The following FBXW10B variants were observed in gnomAD, a reference collection of about 807,000 sequenced individuals.
FBXW10B encodes the protein F-box and WD repeat domain containing 10B.
At chr17:15,601,184 C>T in the FBXW10B span, among the ~76,000 whole-genome samples, 17 of 149,558 alleles carry the variant, frequency 1.1e-4, no homozygotes, top group African/African-American at 2.4e-4. Flanking sequence ...CCGAGGCGGG[C>T]GGATCACAAG....
chr17:15,608,179 T>TTC, the FBXW10B span, among the ~76,000 whole-genome samples: 12 of 128,978 alleles, frequency 9.3e-5, no homozygotes, highest in African/African-American at 3.6e-4. Flanking sequence ...TTTTTTTTTT[T>TTC]CAGACGGAGT....
At chr17:15,567,818 T>C in the FBXW10B span, among the ~76,000 whole-genome samples, 6 of 152,358 alleles carry the variant, frequency 3.9e-5, no homozygotes, top group South Asian at 4.1e-4. Context: ...TAGAGAATTA[T>C]AGAGTTGTTT....
At chr17:15,575,643 A>C in the FBXW10B span, among the ~76,000 whole-genome samples, 1 of 147,512 alleles carries the variant, frequency 6.8e-6, no homozygotes. Context: ...CAAAATGGCA[A>C]CCTCAGCCTT....
chr17:15,589,624 G>A, the FBXW10B span, among the ~76,000 whole-genome samples: 2 of 151,324 alleles, frequency 1.3e-5, 1 homozygote, highest in South Asian at 4.2e-4. Context: ...TTGGTGGTAT[G>A]TCACAACTAA....
the FBXW10B span, among the ~76,000 whole-genome samples, chr17:15,575,083 A>G: frequency 2.4e-4 from 32 of 134,934 alleles, no homozygotes; most frequent in African/African-American, 8.1e-4. Flanking sequence ...AGGGTGGCCA[A>G]GAGGAGGGGA....
At chr17:15,608,555 G>A in the FBXW10B span, among the ~76,000 whole-genome samples, 5 of 152,092 alleles carry the variant, frequency 3.3e-5, no homozygotes, top group South Asian at 1.0e-3. Flanking sequence ...CCGAGTTCAG[G>A]CAATTCTCCT....
the FBXW10B span, among the ~76,000 whole-genome samples, chr17:15,579,207 C>T: frequency 1.3e-5 from 2 of 151,892 alleles, no homozygotes; most frequent in Non-Finnish European, 2.9e-5. Context: ...ACAATCTCCA[C>T]GTTCTGAATG....
the FBXW10B span, chr17:15,605,286 C>T: frequency 1.6e-5 from 25 of 1,594,680 alleles, no homozygotes; most frequent in African/African-American, 5.5e-5. Context: ...GAAGAGGGCC[C>T]GGACACTCCC....
chr17:15,611,679 C>T, the FBXW10B span, among the ~76,000 whole-genome samples: 170 of 152,280 alleles, frequency 1.1e-3, 1 homozygote, highest in African/African-American at 4.0e-3. Flanking sequence ...AACATAGCTG[C>T]CTTATGGGAA....
chr17:15,591,792 T>C, the FBXW10B span, among the ~76,000 whole-genome samples: 45 of 152,252 alleles, frequency 3.0e-4, no homozygotes, highest in South Asian at 1.7e-3. Flanking sequence ...GGGAGGCCTC[T>C]TCTCCTTCAT....
At chr17:15,619,038 G>A in the FBXW10B span, 2 of 1,613,800 alleles carry the variant, frequency 1.2e-6, no homozygotes, top group Non-Finnish European at 1.7e-6. Context: ...CTCAGAAACA[G>A]GACTCTGATC....
the FBXW10B span, chr17:15,598,445 G>A: frequency 6.2e-7 from 1 of 1,608,374 alleles, no homozygotes; most frequent in Non-Finnish European, 8.5e-7. Flanking sequence ...ATGAGTGCCT[G>A]CCTATAGAAA....
the FBXW10B span, among the ~76,000 whole-genome samples, chr17:15,609,639 G>C: frequency 1.3e-5 from 2 of 151,748 alleles, no homozygotes. Context: ...ACACCTCCTC[G>C]ATCTATGGTG....
the FBXW10B span, among the ~76,000 whole-genome samples, chr17:15,571,171 C>T: frequency 6.6e-6 from 1 of 152,026 alleles, no homozygotes; most frequent in African/African-American, 2.4e-5. Flanking sequence ...TATAGTGAGA[C>T]CTCATCTTTA....
At chr17:15,617,762 C>T in the FBXW10B span, among the ~76,000 whole-genome samples, 1 of 152,226 alleles carries the variant, frequency 6.6e-6, no homozygotes, top group Non-Finnish European at 1.5e-5. Flanking sequence ...CTGAAGCCCT[C>T]ACCAGAAAGA....
At chr17:15,616,366 C>T in the FBXW10B span, among the ~76,000 whole-genome samples, 108 of 151,710 alleles carry the variant, frequency 7.1e-4, no homozygotes, top group African/African-American at 2.6e-3. Context: ...GATGGGGTTT[C>T]GCCATGTTGG....
chr17:15,607,598 T>C, the FBXW10B span: 50 of 1,613,824 alleles, frequency 3.1e-5, no homozygotes, highest in African/African-American at 5.7e-4. Context: ...GCGAACATTG[T>C]AGGTCCCACA....
At chr17:15,591,321 G>A in the FBXW10B span, among the ~76,000 whole-genome samples, 2 of 152,088 alleles carry the variant, frequency 1.3e-5, no homozygotes, top group South Asian at 2.1e-4. Context: ...ATGGCGTCTC[G>A]CTCTGTCGCC....
At chr17:15,595,239 C>T in the FBXW10B span, among the ~76,000 whole-genome samples, 3 of 152,234 alleles carry the variant, frequency 2.0e-5, no homozygotes, top group African/African-American at 7.2e-5. Context: ...ACTCGGGTGG[C>T]TGAGGCAGGA....
Sources: gnomAD v4.1 joint callset for allele counts (sites outside exome capture counted in the v4.1 genomes callset) on GRCh38, gnomAD v4.1.1 for gene constraint, MANE v1.5 for transcripts, NCBI Gene and HGNC (gene_info 2026-07-23, HGNC 2026-07-21) for gene names.